The following CA10 variants were observed in gnomAD, a reference collection of about 807,000 sequenced individuals.
CA10 encodes carbonic anhydrase-related protein 10.
A neutral mutation model predicts 44.2 loss-of-function variants in CA10; 14 were observed. The ratio of observed to expected loss-of-function variants is 0.32; its 90% CI spans 0.21 to 0.50. CA10 has a LOEUF of 0.50. Ranked by LOEUF, CA10 falls within the 20% of genes least tolerant of loss-of-function variation. The probability of loss-of-function intolerance (pLI) is 0.99; values close to 1 mark genes in which losing one functional copy is unlikely to be tolerated. For synonymous variants in CA10, 159 were observed against 141.6 expected (o/e 1.12, Z -0.87); for missense variants, 350 against 409.7 (o/e 0.85, Z 1.26).
chr17:51,716,164 T>C (rs1916107668), intron 4 of CA10, among the ~76,000 whole-genome samples: 1 of 152,218 alleles, frequency 6.6e-6, no homozygotes, highest in East Asian at 1.9e-4. Context: ...AAATGGCTAC[T>C]ATTTTCTTTC....
chr17:51,654,558 AT>A (rs35152422), intron 4 of CA10, among the ~76,000 whole-genome samples: 63,862 of 145,144 alleles, frequency 0.44, 14,496 homozygotes, highest in Admixed American at 0.53. Flanking sequence ...TGGAAGCCTA[AT>A]TTTTTTTTTT....
At chr17:51,815,605 C>T (rs1043670277) in intron 3 of CA10, among the ~76,000 whole-genome samples, 1 of 152,098 alleles carries the variant, frequency 6.6e-6, no homozygotes, top group South Asian at 2.1e-4. Flanking sequence ...TCCATCCATG[C>T]TCCTTTTTAC....
chr17:51,911,337 C>T (rs1378722317), intron 3 of CA10, among the ~76,000 whole-genome samples: 1 of 152,130 alleles, frequency 6.6e-6, no homozygotes, highest in Non-Finnish European at 1.5e-5. Context: ...TACTAACACC[C>T]TGCCTTGACG....
At chr17:51,951,623 G>C (rs187950811) in intron 2 of CA10, among the ~76,000 whole-genome samples, 59 of 152,248 alleles carry the variant, frequency 3.9e-4, no homozygotes, top group African/African-American at 1.3e-3. Context: ...AAAAATTTGG[G>C]TGATGGATTC....
intron 2 of CA10, among the ~76,000 whole-genome samples, chr17:51,982,891 G>A (rs556447100): frequency 1.2e-4 from 18 of 151,918 alleles, no homozygotes; most frequent in African/African-American, 3.1e-4. Flanking sequence ...CCAATGACCC[G>A]TAGAAAGCAG....
At chr17:51,837,981 A>G (rs1376732123) in intron 3 of CA10, among the ~76,000 whole-genome samples, 3 of 152,246 alleles carry the variant, frequency 2.0e-5, no homozygotes, top group Non-Finnish European at 2.9e-5. Flanking sequence ...ATTTATCACC[A>G]CTGATTTAAA....
intron 6 of CA10, among the ~76,000 whole-genome samples, chr17:51,640,421 T>C (rs1913032809): frequency 6.6e-6 from 1 of 152,176 alleles, no homozygotes; most frequent in Non-Finnish European, 1.5e-5. Context: ...CTGCCCTGTT[T>C]CCATCTCCAT....
intron 2 of CA10, among the ~76,000 whole-genome samples, chr17:52,057,192 C>T (rs940095422): frequency 2.6e-5 from 4 of 152,032 alleles, no homozygotes; most frequent in Admixed American, 1.3e-4. Context: ...GTGTGAGCTA[C>T]GTAGGTCGAC....
At chr17:52,097,010 A>C (rs1002739857) in intron 1 of CA10, among the ~76,000 whole-genome samples, 3 of 152,218 alleles carry the variant, frequency 2.0e-5, no homozygotes, top group Non-Finnish European at 4.4e-5. Context: ...ACAAATAAAT[A>C]GCTGGATCCA....
intron 2 of CA10, among the ~76,000 whole-genome samples, chr17:52,006,028 T>C (rs574717400): frequency 2.5e-4 from 38 of 151,934 alleles, no homozygotes; most frequent in Admixed American, 2.3e-3. Flanking sequence ...ATATTGCAAC[T>C]TTTATCCCAT....
At chr17:51,848,403 T>C (rs1451540255) in intron 3 of CA10, among the ~76,000 whole-genome samples, 2 of 152,224 alleles carry the variant, frequency 1.3e-5, no homozygotes, top group Non-Finnish European at 2.9e-5. Flanking sequence ...TTGTTTCTAA[T>C]TGTGCCTAAA....
chr17:52,121,867 T>C (rs1172335667), intron 1 of CA10, among the ~76,000 whole-genome samples: 1 of 152,162 alleles, frequency 6.6e-6, no homozygotes, highest in African/African-American at 2.4e-5. Flanking sequence ...CAGAAACCTG[T>C]AGGCAAGAAG....
intron 3 of CA10, among the ~76,000 whole-genome samples, chr17:51,820,258 C>T (rs920160018): frequency 2.8e-5 from 4 of 142,396 alleles, no homozygotes; most frequent in African/African-American, 1.0e-4. Flanking sequence ...CACAATTTCC[C>T]ACTCCAATGC....
intron 4 of CA10, among the ~76,000 whole-genome samples, chr17:51,681,772 C>A (rs1422729107): frequency 1.3e-5 from 2 of 152,074 alleles, no homozygotes; most frequent in Non-Finnish European, 2.9e-5. Flanking sequence ...TTTAGTGTAA[C>A]CATCACCCAA....
At chr17:51,805,051 G>A (rs1461668427) in intron 3 of CA10, among the ~76,000 whole-genome samples, 1 of 152,196 alleles carries the variant, frequency 6.6e-6, no homozygotes, top group Non-Finnish European at 1.5e-5. Flanking sequence ...TTGCCTTGCA[G>A]GGTTATGTGA....
chr17:51,755,799 A>G (rs1905057960), intron 3 of CA10, among the ~76,000 whole-genome samples: 1 of 152,314 alleles, frequency 6.6e-6, no homozygotes, highest in Non-Finnish European at 1.5e-5. Flanking sequence ...CAAAGATACA[A>G]AAGGAATAAG....
chr17:51,760,291 C>A (rs758980073), intron 3 of CA10, among the ~76,000 whole-genome samples: 1 of 152,208 alleles, frequency 6.6e-6, no homozygotes, highest in Non-Finnish European at 1.5e-5. Context: ...TTCGTCATTT[C>A]ATTGTATGCA....
intron 2 of CA10, among the ~76,000 whole-genome samples, chr17:52,031,864 T>C (rs1986477477): frequency 6.6e-6 from 1 of 152,156 alleles, no homozygotes; most frequent in Non-Finnish European, 1.5e-5. Flanking sequence ...ATTGAGAATG[T>C]CTGGCTTCCC....
intron 2 of CA10, among the ~76,000 whole-genome samples, chr17:52,053,094 T>C (rs548135092): frequency 4.9e-4 from 74 of 152,076 alleles, no homozygotes; most frequent in Middle Eastern, 3.2e-3. Context: ...AGGACTAAAA[T>C]GCAACCATAC....
Sources: allele counts gnomAD v4.1 joint callset (sites outside exome capture counted in the v4.1 genomes callset), GRCh38; gene constraint gnomAD v4.1.1; transcripts MANE v1.5; gene names NCBI Gene and HGNC (gene_info 2026-07-23, HGNC 2026-07-21).